TMEM108: variants seen among roughly 807,000 people sequenced by gnomAD.
TMEM108 encodes cancer/testis antigen 124.
TMEM108 carries 12 observed loss-of-function variants against 35.1 expected under a neutral mutation model. The ratio of observed to expected loss-of-function variants is 0.34; its 90% CI spans 0.22 to 0.55. The LOEUF is 0.55. Ranked by LOEUF, TMEM108 falls within the 20% of genes least tolerant of loss-of-function variation. TMEM108 has a pLI of 0.89. For missense variants in TMEM108, 680 were observed against 753.3 expected (o/e 0.90, Z 1.14); for synonymous variants, 287 against 308.6 (o/e 0.93, Z 0.73).
chr3:133,181,038 A>AAAAAAAAAAAC (rs869218859), intron 2 of TMEM108, among the ~76,000 whole-genome samples: 1 of 126,444 alleles, frequency 7.9e-6, no homozygotes, highest in African/African-American at 2.9e-5. Flanking sequence ...AAAAAAAAAA[A>AAAAAAAAAAAC]CAGCACTCCC....
intron 2 of TMEM108, among the ~76,000 whole-genome samples, chr3:133,146,737 C>G (rs1351062580): frequency 6.6e-6 from 1 of 152,156 alleles, no homozygotes; most frequent in Non-Finnish European, 1.5e-5. Flanking sequence ...TCTAGATTTT[C>G]TAGTTTATTT....
At chr3:133,302,199 A>G (rs777992118) in intron 3 of TMEM108, among the ~76,000 whole-genome samples, 2 of 152,166 alleles carry the variant, frequency 1.3e-5, no homozygotes, top group South Asian at 4.1e-4. Context: ...GATGCCGTGC[A>G]TCTCACTGCT....
At chr3:133,252,473 A>C (rs1257708877) in intron 3 of TMEM108, among the ~76,000 whole-genome samples, 1 of 152,172 alleles carries the variant, frequency 6.6e-6, no homozygotes, top group East Asian at 1.9e-4. Flanking sequence ...GCAACTATAC[A>C]TGCACACTGG....
chr3:133,218,573 G>C (rs1024904182), intron 2 of TMEM108, among the ~76,000 whole-genome samples: 1 of 151,976 alleles, frequency 6.6e-6, no homozygotes. Flanking sequence ...TACTTTTATT[G>C]TATACTTAAT....
intron 3 of TMEM108, among the ~76,000 whole-genome samples, chr3:133,339,159 A>G (rs1349766138): frequency 6.6e-6 from 1 of 151,806 alleles, no homozygotes; most frequent in Non-Finnish European, 1.5e-5. Flanking sequence ...TCAAGGACAT[A>G]GAGTGGCTGA....
intron 2 of TMEM108, among the ~76,000 whole-genome samples, chr3:133,176,956 A>G (rs1347165949): frequency 1.3e-5 from 2 of 152,234 alleles, no homozygotes; most frequent in Non-Finnish European, 2.9e-5. Flanking sequence ...AGAATCAAAT[A>G]GACACAATAA....
At chr3:133,105,558 C>A (rs1188967332) in intron 2 of TMEM108, among the ~76,000 whole-genome samples, 1 of 152,134 alleles carries the variant, frequency 6.6e-6, no homozygotes, top group African/African-American at 2.4e-5. Flanking sequence ...TGCAAAGTTC[C>A]TTCACTGCAG....
intron 3 of TMEM108, among the ~76,000 whole-genome samples, chr3:133,257,526 C>A (rs1454486387): frequency 6.6e-6 from 1 of 152,110 alleles, no homozygotes; most frequent in Non-Finnish European, 1.5e-5. Flanking sequence ...CTTGATCCCC[C>A]TGAAACAAAA....
intron 2 of TMEM108, among the ~76,000 whole-genome samples, chr3:133,132,258 C>T (rs1944501247): frequency 6.6e-6 from 1 of 152,190 alleles, no homozygotes; most frequent in African/African-American, 2.4e-5. Context: ...ACATCTAGGA[C>T]TTTCATAGCT....
chr3:133,098,835 G>A (rs2107713391), intron 2 of TMEM108, among the ~76,000 whole-genome samples: 1 of 152,290 alleles, frequency 6.6e-6, no homozygotes, highest in Non-Finnish European at 1.5e-5. Context: ...GGCTTTGCAG[G>A]GTACAGCCTG....
rs1944987509 is a variant in TMEM108, at chr3:133,163,286, T to C, written c.-46-65980T>C. ...ATCCCCCCTAGAGTAAATTAACTTA[T>C]ATACTGGCCATTGTCTTCCCTGTCC... is the stretch of plus-strand genomic sequence containing the variant. On this transcript the variant is annotated intron_variant, in intron 2 of 5. Transcript: ENST00000321871. Among the ~76,000 whole-genome samples, 4 of 152,136 alleles carry C rather than the reference T, an allele frequency of 2.6e-5. No homozygotes were observed. In the South Asian group the frequency reaches 8.3e-4, roughly 32 times the overall value.
At chr3:133,060,143 C>T (rs1943519221) in intron 2 of TMEM108, among the ~76,000 whole-genome samples, 1 of 152,148 alleles carries the variant, frequency 6.6e-6, no homozygotes, top group Non-Finnish European at 1.5e-5. Context: ...TGAGGATAGA[C>T]ATAGAACTTC....
intron 3 of TMEM108, among the ~76,000 whole-genome samples, chr3:133,338,009 G>A (rs1339141752): frequency 1.3e-5 from 2 of 152,016 alleles, no homozygotes; most frequent in Non-Finnish European, 2.9e-5. Context: ...CACGTCGGAG[G>A]AGGCAAAAGA....
At chr3:133,235,904 A>G (rs752571408) in intron 3 of TMEM108, among the ~76,000 whole-genome samples, 1 of 152,144 alleles carries the variant, frequency 6.6e-6, no homozygotes, top group Non-Finnish European at 1.5e-5. Context: ...TGGAAGGTAA[A>G]GAGCGTCATC....
At chr3:133,259,307 T>C (rs1946591535) in intron 3 of TMEM108, among the ~76,000 whole-genome samples, 1 of 152,300 alleles carries the variant, frequency 6.6e-6, no homozygotes, top group South Asian at 2.1e-4. Context: ...GAAATTCTTC[T>C]GGAGTTCTGG....
intron 2 of TMEM108, among the ~76,000 whole-genome samples, chr3:133,101,637 G>T (rs142607141): frequency 1.1e-3 from 167 of 152,274 alleles, no homozygotes; most frequent in African/African-American, 3.8e-3. Context: ...AAAAATATTG[G>T]CTAAAATAAT....
intron 3 of TMEM108, among the ~76,000 whole-genome samples, chr3:133,363,599 T>A (rs1389913176): frequency 1.3e-5 from 2 of 151,970 alleles, no homozygotes; most frequent in African/African-American, 2.4e-5. Context: ...AGAGACAGGG[T>A]TTTGCTATGT....
chr3:133,182,036 T>C (rs1945353203), intron 2 of TMEM108, among the ~76,000 whole-genome samples: 1 of 152,220 alleles, frequency 6.6e-6, no homozygotes, highest in African/African-American at 2.4e-5. Context: ...GCCCCAGATC[T>C]TCCCTATCTC....
chr3:133,324,287 A>G (rs560180757), intron 3 of TMEM108, among the ~76,000 whole-genome samples: 1 of 152,336 alleles, frequency 6.6e-6, no homozygotes, highest in South Asian at 2.1e-4. Flanking sequence ...ACAAAGGACT[A>G]CTATCCAGAA....
Sources: gnomAD v4.1 joint callset for allele counts (sites outside exome capture counted in the v4.1 genomes callset) on GRCh38, gnomAD v4.1.1 for gene constraint, MANE v1.5 for transcripts, NCBI Gene and HGNC (gene_info 2026-07-23, HGNC 2026-07-21) for gene names.